Variants in ACAA2 observed in about 807,000 individuals in gnomAD.
ACAA2 encodes 3-ketoacyl-CoA thiolase, mitochondrial.
In ACAA2, 35 loss-of-function variants were observed where a neutral mutation model predicts 44.8. That is an observed-to-expected ratio of 0.78 (90% CI 0.60 to 1.04). The LOEUF (loss-of-function observed/expected upper bound fraction) is 1.04. ACAA2 is among the 50% of genes least tolerant of loss of function. ACAA2 has a pLI of 0.00. For missense variants in ACAA2, 468 were observed against 482.6 expected (o/e 0.97, Z 0.28); for synonymous variants, 142 against 166.5 (o/e 0.85, Z 1.13).
chr18:49,792,704 C>A (rs1185515223), intron 5 of ACAA2, among the ~76,000 whole-genome samples: 1 of 152,248 alleles, frequency 6.6e-6, no homozygotes, highest in East Asian at 1.9e-4. Context: ...CCTTGACCTC[C>A]CAAAGTGCTG....
At chr18:49,803,275 TA>T (rs1189355286) in intron 1 of ACAA2, among the ~76,000 whole-genome samples, 14 of 149,100 alleles carry the variant, frequency 9.4e-5, no homozygotes, top group Middle Eastern at 3.6e-3. Flanking sequence ...ATAATAATAA[TA>T]ATAATATCAA....
intron 1 of ACAA2, among the ~76,000 whole-genome samples, chr18:49,808,387 A>T (rs1180605122): frequency 6.6e-6 from 1 of 152,268 alleles, no homozygotes; most frequent in Admixed American, 6.5e-5. Context: ...TTATGTTCAA[A>T]CAAAAACCTG....
At chr18:49,792,776 C>T (rs1165502354) in intron 5 of ACAA2, among the ~76,000 whole-genome samples, 1 of 152,074 alleles carries the variant, frequency 6.6e-6, no homozygotes, top group African/African-American at 2.4e-5. Flanking sequence ...ACACAACTTA[C>T]CTTCCGTATT....
chr18:49,789,366 C>A (rs1048485009), intron 7 of ACAA2, among the ~76,000 whole-genome samples: 5 of 152,056 alleles, frequency 3.3e-5, no homozygotes. Context: ...TTGTTTAATC[C>A]CATCACTATA....
intron 9 of ACAA2, among the ~76,000 whole-genome samples, chr18:49,784,617 G>C (rs917930786): frequency 7.2e-5 from 11 of 152,042 alleles, no homozygotes; most frequent in African/African-American, 2.4e-4. Context: ...TTTTCAGCCT[G>C]ACTTACTTGG....
At chr18:49,791,070 G>A (rs999355662) in intron 7 of ACAA2, among the ~76,000 whole-genome samples, 1 of 152,194 alleles carries the variant, frequency 6.6e-6, no homozygotes, top group African/African-American at 2.4e-5. Flanking sequence ...GCAAGGAGCT[G>A]CGATACCACC....
chr18:49,793,473 GA>G (rs1171238924), intron 5 of ACAA2, among the ~76,000 whole-genome samples: 1 of 152,178 alleles, frequency 6.6e-6, no homozygotes, highest in Non-Finnish European at 1.5e-5. Context: ...AGTAGAAACA[GA>G]ACTGATAACT....
chr18:49,792,071 A>G lies in ACAA2; in HGVS notation c.753+81T>C, dbSNP rs1277349028. 3.4e-6 allele frequency: 4 copies of G among 1,166,500 alleles called. No individual in the cohort carries two copies. In the East Asian group the frequency reaches 9.5e-5, roughly 28 times the overall value. The allele number at this position is 1,166,500 out of a possible 1,614,324, so 72.3% of individuals were successfully genotyped here. A position where few individuals can be genotyped will look rare whatever the true frequency, so the allele number is the denominator to read the frequency against. On this transcript the variant is annotated intron_variant, in intron 6 of 9. Coordinates refer to ENST00000285093, the MANE Select transcript of ACAA2 (RefSeq NM_006111.3). The stretch of plus-strand genomic sequence containing the variant: ...CTAAACAACTAAAGACTGGCATAAA[A>G]AGTATTTACAAGATACTTCATGATT...
chr18:49,788,696 C>T (rs1414185118), intron 7 of ACAA2, among the ~76,000 whole-genome samples: 1 of 152,214 alleles, frequency 6.6e-6, no homozygotes, highest in African/African-American at 2.4e-5. Context: ...GTTCAGACCA[C>T]TGTACACACT....
At chr18:49,812,578 C>T (rs1041289686) in intron 1 of ACAA2, 1 of 152,256 alleles carries the variant, frequency 6.6e-6, no homozygotes, top group African/African-American at 2.4e-5. Context: ...ATTTGCTGCT[C>T]CCTGGACCTC....
intron 1 of ACAA2, 31 bp from the exon 2 acceptor site, chr18:49,802,884 T>C (rs2023571603): frequency 6.2e-7 from 1 of 1,612,950 alleles, no homozygotes; most frequent in Non-Finnish European, 8.5e-7. Context: ...TTGTAAGCCA[T>C]CACAGGTTAG....
chr18:49,785,111 A>G (rs2023312778), intron 9 of ACAA2, 86 bp downstream of exon 9: 2 of 1,479,274 alleles, frequency 1.4e-6, no homozygotes, highest in Admixed American at 4.4e-5. Context: ...AAGAATGAAA[A>G]ATGTTGGAGT....
chr18:49,809,688 G>C (rs922879491), intron 1 of ACAA2, among the ~76,000 whole-genome samples: 5 of 152,236 alleles, frequency 3.3e-5, no homozygotes, highest in Non-Finnish European at 5.9e-5. Flanking sequence ...TATGGAGACA[G>C]TAAAAAGATC....
intron 2 of ACAA2, among the ~76,000 whole-genome samples, chr18:49,799,685 G>C (rs973106004): frequency 6.6e-6 from 1 of 151,592 alleles, no homozygotes; most frequent in Non-Finnish European, 1.5e-5. Context: ...CATCGTCTGG[G>C]ATGTGGGGAG....
In ACAA2 at chr18:49,792,308, A is replaced by G; in HGVS notation, c.597T>C (p.Phe199=). Residue 199 remains phenylalanine, a synonymous_variant, in exon 6 of 10, where the codon TTT becomes TTC. Transcript: ENST00000285093. ...CTTCAATTGGTGCCATTTCATCATTAAAGTAGCCAGCATCATTAGCTGAAA... is the reference window on the plus strand; with the variant it reads ...CTTCAATTGGTGCCATTTCATCATTGAAGTAGCCAGCATCATTAGCTGAAA... The part of the protein sequence containing the change: ...RWKAANDAGY[F]NDEMAPIEVK... 6.2e-7 allele frequency: 1 copy of G among 1,613,768 alleles called. No homozygotes were observed. Among genetic ancestry groups the G allele is most frequent in the African/African-American group, 1.3e-5 (1 of 75,046 alleles).
intron 1 of ACAA2, among the ~76,000 whole-genome samples, chr18:49,810,007 T>G (rs2023651411): frequency 6.6e-6 from 1 of 152,206 alleles, no homozygotes; most frequent in Non-Finnish European, 1.5e-5. Flanking sequence ...TGCTCAATTT[T>G]TTTGTAAAAC....
intron 1 of ACAA2, among the ~76,000 whole-genome samples, chr18:49,805,636 C>T (rs1568590693): frequency 6.6e-6 from 1 of 152,018 alleles, no homozygotes; most frequent in African/African-American, 2.4e-5. Context: ...ATCACAGCTC[C>T]CTGCAGCCTC....
rs1352890748 is a variant in ACAA2 at position 49,783,856 on chromosome 18, G to A, written c.1185C>T (p.Ser395=). The A allele has an allele frequency of 1.9e-6, 3 of 1,611,906 alleles. No individual in the cohort carries two copies. The highest frequency in any genetic ancestry group is 1.7e-6 in the Non-Finnish European group (2 of 1,178,542). ...GGQGIAVIIQ[S]TA ...GAGCTCACTGGTCTCTTCAGGCTGT[G>A]CTCTGAATGATGACAGCAATACCTT... The change falls in exon 10 of 10, where the codon AGC becomes AGT. Residue 395 remains serine, a synonymous_variant. Coordinates refer to ENST00000285093, the MANE Select transcript of ACAA2 (RefSeq NM_006111.3).
In ACAA2 at chr18:49,783,809, T is replaced by G; in HGVS notation, c.*38A>C. ...CTTGTTTTACTGTGGCCTGGCCAAG[T>G]AGAGTAAGGATGGGTCACAGTGAGC... On this transcript the variant is annotated 3_prime_UTR_variant, in exon 10 of 10. Coordinates refer to ENST00000285093, the MANE Select transcript of ACAA2 (RefSeq NM_006111.3). The G allele has an allele frequency of 6.3e-7, 1 of 1,577,104 alleles. No individual in the cohort carries two copies.
Sources: allele counts gnomAD v4.1 joint callset (sites outside exome capture counted in the v4.1 genomes callset), GRCh38; gene constraint gnomAD v4.1.1; transcripts MANE v1.5; gene names NCBI Gene and HGNC (gene_info 2026-07-23, HGNC 2026-07-21).